The following SLC46A1 variants were observed in gnomAD, a reference collection of about 807,000 sequenced individuals.
SLC46A1 encodes solute carrier family 46 member 1.
SLC46A1 carries 17 observed loss-of-function variants against 32.1 expected under a neutral mutation model. That is an observed-to-expected ratio of 0.53 (90% confidence interval 0.36 to 0.79). The LOEUF is 0.79. SLC46A1 is among the 30% of genes least tolerant of loss of function. The pLI is 0.00. For synonymous variants in SLC46A1, 240 were observed against 262.7 expected, an observed-to-expected ratio of 0.91 and a Z score of 0.84; for missense variants, 517 against 588.2, an observed-to-expected ratio of 0.88 and a Z score of 1.25.
Position 28,397,059 on chromosome 17 carries a change from G to A in SLC46A1, c.*2597C>T, listed in dbSNP as rs933900091. On this transcript the variant is annotated 3_prime_UTR_variant, in exon 5 of 5. Coordinates refer to ENST00000612814, the MANE Select transcript of SLC46A1 (RefSeq NM_080669.6). ...CAAAGCCCACCCTACCCCATGCCTT[G>A]GTGCTGTGCCTCAGGCTCCTTCCTG... 6.5e-6 allele frequency: 1 copy of A among 152,726 alleles called. No homozygotes were observed. The highest frequency in any genetic ancestry group is 2.4e-5 in the African/African-American group (1 of 41,472). 9.5% of individuals were successfully genotyped at this position (152,726 alleles called of 1,614,324 possible).
chr17:28,397,758 G>A lies in SLC46A1; in HGVS notation c.*1898C>T, dbSNP rs1322044930. ...TGCCCCCTCCTCCACTGGGTTCAGA[G>A]GGTAAGAAAGCACCCTCCAATAAAC... On this transcript the variant is annotated 3_prime_UTR_variant, in exon 5 of 5. Transcript: ENST00000612814. The A allele has an allele frequency of 1.3e-5, 2 of 152,378 alleles. No homozygotes were observed. The highest frequency in any genetic ancestry group is 6.5e-5 in the Admixed American group (1 of 15,282). The allele number at this position is 152,378 out of a possible 1,614,324, so 9.4% of individuals were successfully genotyped here. A position where few individuals can be genotyped will look rare whatever the true frequency, so the allele number is the denominator to read the frequency against.
rs1177806536 is a variant in SLC46A1 at position 28,396,495 on chromosome 17, C to T, written c.*3161G>A. The stretch of plus-strand genomic sequence containing the variant: ...AGGGAAGGGAAGTCAGGCTTGGGCA[C>T]GGGAGGTTAGAACTCCCCCAGGCCC... On this transcript the variant is annotated 3_prime_UTR_variant, in exon 5 of 5. Coordinates refer to ENST00000612814, the MANE Select transcript of SLC46A1 (RefSeq NM_080669.6). The T allele has an allele frequency of 9.7e-6, 6 of 619,756 alleles. No homozygotes were observed. The highest frequency in any genetic ancestry group is 2.8e-5 in the East Asian group (1 of 35,450). 38.4% of individuals were successfully genotyped at this position (619,756 alleles called of 1,614,324 possible).
chr17:28,395,886 C>A lies in SLC46A1; in HGVS notation c.*3770G>T. The A allele has an allele frequency of 6.2e-7, 1 of 1,613,056 alleles. No homozygotes were observed. The highest frequency in any genetic ancestry group is 8.5e-7 in the Non-Finnish European group (1 of 1,179,850). ...AGATGGGTACAGGGGTATCTTCCTC[C>A]TTTCCTTTCTTTCTCCAGGAGATTG... is the stretch of plus-strand genomic sequence containing the variant. On this transcript the variant is annotated 3_prime_UTR_variant, in exon 5 of 5. Transcript: ENST00000612814.
chr17:28,395,738 A>T lies in SLC46A1; in HGVS notation c.*3918T>A, dbSNP rs1410887788. The T allele has an allele frequency of 2.4e-5, 16 of 667,796 alleles. No individual in the cohort carries two copies. Among genetic ancestry groups the T allele is most frequent in the Non-Finnish European group, 4.0e-5 (16 of 397,010 alleles). The allele number at this position is 667,796 out of a possible 1,614,324, so 41.4% of individuals were successfully genotyped here. A position where few individuals can be genotyped will look rare whatever the true frequency, so the allele number is the denominator to read the frequency against. On this transcript the variant is annotated 3_prime_UTR_variant, in exon 5 of 5. Transcript: ENST00000612814. Reference sequence around the variant, plus strand: ...AACTCTGGGCAAAGGAAAAATATTTATTTTTTATTACACTACAAGGGTTAA... The same window carrying T: ...AACTCTGGGCAAAGGAAAAATATTTTTTTTTTATTACACTACAAGGGTTAA...
Position 28,406,145 on chromosome 17 carries a change from G to A in SLC46A1, c.-31C>T. Reference sequence around the variant, plus strand: ...TGCGCGGCGGAGCTGTCGCCAGGCGGGCGGCGGGGCGCGCGAGCGACTCGC... The same window carrying A: ...TGCGCGGCGGAGCTGTCGCCAGGCGAGCGGCGGGGCGCGCGAGCGACTCGC... On this transcript the variant is annotated 5_prime_UTR_variant, in exon 1 of 5. Coordinates refer to ENST00000612814, the MANE Select transcript of SLC46A1 (RefSeq NM_080669.6). The surrounding 1 kb of genome is among the most constrained non-coding windows in gnomAD (Gnocchi z 4.5). The A allele has an allele frequency of 7.5e-7, 1 of 1,340,890 alleles. No homozygotes were observed. The highest frequency in any genetic ancestry group is 9.5e-7 in the Non-Finnish European group (1 of 1,048,482). 83.1% of individuals were successfully genotyped at this position (1,340,890 alleles called of 1,614,324 possible).
chr17:28,396,018 C>A lies in SLC46A1; in HGVS notation c.*3638G>T, dbSNP rs371818392. 1 of 1,613,784 alleles carries A rather than the reference C, an allele frequency of 6.2e-7. No individual in the cohort carries two copies. Among genetic ancestry groups the A allele is most frequent in the South Asian group, 1.1e-5 (1 of 91,084 alleles). On this transcript the variant is annotated 3_prime_UTR_variant, in exon 5 of 5. Coordinates refer to ENST00000612814, the MANE Select transcript of SLC46A1 (RefSeq NM_080669.6). ...ACATGCAGGCTGTGCTTACTTTCAA[C>A]GGTATCAAGTGAGCCCCAGGGCCCT...
In SLC46A1 at chr17:28,397,814, G is replaced by T. The variant is rs556006715; in HGVS notation, c.*1842C>A. ...CTCCAGGCCGTGGGGGCTGCTGAAG[G>T]CTCTTTCCCCGCAAGGGCCAGGTGT... On this transcript the variant is annotated 3_prime_UTR_variant, in exon 5 of 5. Coordinates refer to ENST00000612814, the MANE Select transcript of SLC46A1 (RefSeq NM_080669.6). 3 of 153,092 alleles carry T rather than the reference G, an allele frequency of 2.0e-5. No individual in the cohort carries two copies. The South Asian group carries it at 6.2e-4, about 32-fold the overall frequency. The allele number at this position is 153,092 out of a possible 1,614,324, so 9.5% of individuals were successfully genotyped here.
At position 28,398,870 on chromosome 17, in the gene SLC46A1, CA is replaced by C. The variant is rs2068161979; in HGVS notation, c.*785del. The stretch of plus-strand genomic sequence containing the variant: ...TCCTAGTGGGGCTTGCTCAAGGTTG[CA>C]CAGCGAGTCAGTAGAAGCCCTGGCT... On this transcript the variant is annotated 3_prime_UTR_variant, in exon 5 of 5. Coordinates refer to ENST00000612814, the MANE Select transcript of SLC46A1 (RefSeq NM_080669.6). 6.6e-6 allele frequency: 1 copy of C among 152,272 alleles called. No individual in the cohort carries two copies. Among genetic ancestry groups the C allele is most frequent in the African/African-American group, 2.4e-5 (1 of 41,448 alleles). The allele number at this position is 152,272 out of a possible 1,614,324, so 9.4% of individuals were successfully genotyped here. A position where few individuals can be genotyped will look rare whatever the true frequency, so the allele number is the denominator to read the frequency against.
In SLC46A1 at chr17:28,404,716, G is replaced by A; in HGVS notation, c.981C>T (p.Tyr327=). The part of the protein sequence containing the change: ...TSLLALKLLQ[Y]CLADAWVAEI... ...CAGCTACCCAGGCATCGGCCAGGCAGTACTGCAGGAGCTTCAGGGCCAGCA... is the reference window on the plus strand; with the variant it reads ...CAGCTACCCAGGCATCGGCCAGGCAATACTGCAGGAGCTTCAGGGCCAGCA... The change falls in exon 2 of 5, where the codon TAC becomes TAT. Residue 327 remains tyrosine, a synonymous_variant. Transcript: ENST00000612814. 6.2e-7 allele frequency: 1 copy of A among 1,614,046 alleles called. No individual in the cohort carries two copies.
At position 28,395,796 on chromosome 17, in the gene SLC46A1, TC is replaced by T; in HGVS notation, c.*3859del. The T allele has an allele frequency of 8.3e-7, 1 of 1,211,532 alleles. No individual in the cohort carries two copies. Among genetic ancestry groups the T allele is most frequent in the South Asian group, 1.3e-5 (1 of 79,082 alleles). 75.0% of individuals were successfully genotyped at this position (1,211,532 alleles called of 1,614,324 possible). ...ATCAAGGTGGACATCAGGACTGGTGTCCTGCCCTGGGCCCAGCCTCGGGCCA... is the reference window on the plus strand; with the variant it reads ...ATCAAGGTGGACATCAGGACTGGTGTCTGCCCTGGGCCCAGCCTCGGGCCA... On this transcript the variant is annotated 3_prime_UTR_variant, in exon 5 of 5. Coordinates refer to ENST00000612814, the MANE Select transcript of SLC46A1 (RefSeq NM_080669.6).
chr17:28,399,861 G>A, intron 4 of SLC46A1, 148 bp from the exon 5 acceptor site: 1 of 775,646 alleles, frequency 1.3e-6, no homozygotes, highest in South Asian at 1.5e-5. Context: ...CTGAGAGCTG[G>A]AGGACAATAT....
Position 28,400,745 on chromosome 17 carries a change from G to A in SLC46A1, c.1187C>T (p.Ala396Val). ...CAGCATGGCCAGGCTATTCACACAG[G>A]CCACAGCAGAAAAGAGAGCACCTGT... is the stretch of plus-strand genomic sequence containing the variant. ...TEQGALFSAVACVNSLAMLTA... is the reference protein window; with the variant it reads ...TEQGALFSAVVCVNSLAMLTA... The change falls in exon 4 of 5, where the codon GCC (alanine) becomes GTC (valine). Residue 396 changes from alanine (A) to valine (V), a missense_variant. By Grantham distance (64) the Ala-to-Val change is moderately conservative. Coordinates refer to ENST00000612814, the MANE Select transcript of SLC46A1 (RefSeq NM_080669.6). 1.3e-6 allele frequency: 2 copies of A among 1,584,968 alleles called. No homozygotes were observed. The highest frequency in any genetic ancestry group is 1.3e-5 in the African/African-American group (1 of 74,450).
intron 2 of SLC46A1, chr17:28,404,336 T>G: frequency 2.1e-6 from 1 of 484,924 alleles, no homozygotes; most frequent in Non-Finnish European, 3.8e-6. Flanking sequence ...GCAATTAGTG[T>G]ATGAGCCACA....
At chr17:28,400,863 T>A in intron 3 of SLC46A1, 97 bp from the exon 4 acceptor site, 1 of 1,098,310 alleles carries the variant, frequency 9.1e-7, no homozygotes, top group Non-Finnish European at 1.3e-6. Context: ...AGTAGTCACT[T>A]AACCTATGTC....
Position 28,400,583 on chromosome 17 carries a change from G to A in SLC46A1, c.1322+27C>T, listed in dbSNP as rs576590466. On this transcript the variant is annotated intron_variant, in intron 4 of 4. Transcript: ENST00000612814. The stretch of plus-strand genomic sequence containing the variant: ...CTTTTAAGAGAAAGGGCTCCATTAT[G>A]AGCATGGGTTCAGGGCCCTGCATTA... 11 of 1,612,796 alleles carry A rather than the reference G, an allele frequency of 6.8e-6. No individual in the cohort carries two copies. In the Admixed American group the frequency reaches 8.3e-5, roughly 12 times the overall value.
chr17:28,395,775 AG>A lies in SLC46A1; in HGVS notation c.*3880del, dbSNP rs2068113509. Reference sequence around the variant, plus strand: ...ACTACAAGGGTTAAGGTAGACATCAAGGTGGACATCAGGACTGGTGTCCTGC... The same window carrying A: ...ACTACAAGGGTTAAGGTAGACATCAAGTGGACATCAGGACTGGTGTCCTGC... On this transcript the variant is annotated 3_prime_UTR_variant, in exon 5 of 5. Coordinates refer to ENST00000612814, the MANE Select transcript of SLC46A1 (RefSeq NM_080669.6). The A allele has an allele frequency of 1.1e-5, 10 of 887,788 alleles. No individual in the cohort carries two copies. In the East Asian group the frequency reaches 2.4e-4, roughly 22 times the overall value. The allele number at this position is 887,788 out of a possible 1,614,324, so 55.0% of individuals were successfully genotyped here. A position where few individuals can be genotyped will look rare whatever the true frequency, so the allele number is the denominator to read the frequency against.
At chr17:28,403,135 G>C (rs1555590004) in intron 2 of SLC46A1, 1 of 152,206 alleles carries the variant, frequency 6.6e-6, no homozygotes, top group Non-Finnish European at 1.5e-5. Flanking sequence ...AGGGAGCACT[G>C]CCTGCTGACT....
At position 28,396,883 on chromosome 17, in the gene SLC46A1, G is replaced by A. The variant is rs569425471; in HGVS notation, c.*2773C>T. 1 of 152,626 alleles carries A rather than the reference G, an allele frequency of 6.6e-6. No individual in the cohort carries two copies. The highest frequency in any genetic ancestry group is 2.1e-4 in the South Asian group (1 of 4,836). 9.5% of individuals were successfully genotyped at this position (152,626 alleles called of 1,614,324 possible). On this transcript the variant is annotated 3_prime_UTR_variant, in exon 5 of 5. Coordinates refer to ENST00000612814, the MANE Select transcript of SLC46A1 (RefSeq NM_080669.6). ...CCCAGATCCCCTACAGCTTCCTTCG[G>A]TGTGGTATCTTTTGCCACATCCAGG...
At position 28,395,685 on chromosome 17, in the gene SLC46A1, C is replaced by T; in HGVS notation, c.*3971G>A. 6 of 538,024 alleles carry T rather than the reference C, an allele frequency of 1.1e-5. No individual in the cohort carries two copies. The highest frequency in any genetic ancestry group is 1.7e-5 in the Non-Finnish European group (5 of 300,884). The allele number at this position is 538,024 out of a possible 1,614,324, so 33.3% of individuals were successfully genotyped here. On this transcript the variant is annotated 3_prime_UTR_variant, in exon 5 of 5. Coordinates refer to ENST00000612814, the MANE Select transcript of SLC46A1 (RefSeq NM_080669.6). ...AAAGACACTCATCACTCAAGAGATT[C>T]CAAGGGTTTTAGCAGCTCTGTGCCA...
Sources: allele counts gnomAD v4.1 joint callset, GRCh38; gene constraint gnomAD v4.1.1; non-coding constraint Gnocchi (gnomAD v3.1); transcripts MANE v1.5; gene names NCBI Gene and HGNC (gene_info 2026-07-23, HGNC 2026-07-21).